VWA3A: variants seen among roughly 807,000 people sequenced by gnomAD.
VWA3A encodes the protein von Willebrand factor A domain-containing protein 3A.
VWA3A carries 134 observed loss-of-function variants against 160.4 expected under a neutral mutation model. The observed-to-expected ratio is 0.84, with a 90% CI of 0.73 to 0.96. The LOEUF is 0.96. VWA3A is among the 40% of genes least tolerant of loss of function. The pLI, the probability that VWA3A is intolerant of heterozygous loss-of-function variation, is 0.00. For missense variants in VWA3A, 1,310 were observed against 1,447.9 expected (o/e 0.90, Z 1.55); for synonymous variants, 476 against 543.4 (o/e 0.88, Z 1.72).
intron 26 of VWA3A, 74 bp from the exon 27 acceptor site, chr16:22,146,162 A>C: frequency 8.1e-7 from 1 of 1,240,558 alleles, no homozygotes; most frequent in Non-Finnish European, 1.2e-6. Context: ...TGGAATAAAC[A>C]ATTTTAGGGG....
In VWA3A at chr16:22,113,147, G is replaced by A. The variant is rs554789673; in HGVS notation, c.689+2153G>A. 6.6e-5 allele frequency among the ~76,000 whole-genome samples: 10 copies of A among 152,108 alleles called. No homozygotes were observed. The East Asian group carries it at 1.9e-3, about 29-fold the overall frequency. ...ACCCTATGTCATATCTTTACCATGT[G>A]TACTATTGTTTATTTTATTTTTTAT... is the stretch of plus-strand genomic sequence containing the variant. On this transcript the variant is annotated intron_variant, in intron 8 of 33. Coordinates refer to ENST00000389398, the MANE Select transcript of VWA3A (RefSeq NM_173615.5).
intron 14 of VWA3A, among the ~76,000 whole-genome samples, chr16:22,122,833 A>G (rs1030308957): frequency 3.9e-5 from 6 of 152,144 alleles, no homozygotes; most frequent in Admixed American, 3.9e-4. Context: ...GCTTGCTGTC[A>G]GGTATCGTCC....
chr16:22,140,506 T>A (rs1361247456), intron 23 of VWA3A, among the ~76,000 whole-genome samples: 1 of 151,948 alleles, frequency 6.6e-6, no homozygotes, highest in African/African-American at 2.4e-5. Flanking sequence ...ACTCAGAGGC[T>A]GAGTTGGGAG....
At chr16:22,155,992 A>G (rs1373669404) in intron 33 of VWA3A, 40 bp from the exon 34 acceptor site, 1 of 1,483,910 alleles carries the variant, frequency 6.7e-7, no homozygotes, top group Non-Finnish European at 9.3e-7. Context: ...TTTGTGGTCA[A>G]TAATAACTTT....
chr16:22,155,944 A>C (rs752565167), intron 33 of VWA3A, 28 bp downstream of exon 33: 1 of 1,609,392 alleles, frequency 6.2e-7, no homozygotes, highest in South Asian at 1.1e-5. Flanking sequence ...ACCCCATACT[A>C]CCTGAGTGTG....
chr16:22,149,482 C>A (rs142582635), intron 28 of VWA3A, among the ~76,000 whole-genome samples: 1 of 152,276 alleles, frequency 6.6e-6, no homozygotes, highest in African/African-American at 2.4e-5. Context: ...TGGCCTCAAG[C>A]AATCCTCCCA....
At chr16:22,124,117 G>A (rs35799813) in intron 16 of VWA3A, among the ~76,000 whole-genome samples, 12,934 of 148,264 alleles carry the variant, frequency 0.087, 663 homozygotes, top group South Asian at 0.17. Flanking sequence ...GGGGCTCAAG[G>A]CTGCAGTGGG....
chr16:22,113,483 C>A (rs966120180), intron 8 of VWA3A, among the ~76,000 whole-genome samples: 2 of 149,306 alleles, frequency 1.3e-5, no homozygotes, highest in African/African-American at 5.0e-5. Context: ...CCTTGGCCTC[C>A]CAAAGTGCTG....
chr16:22,109,327 G>C (rs768146774), intron 6 of VWA3A, among the ~76,000 whole-genome samples, 155 bp from the exon 7 acceptor site: 2 of 152,172 alleles, frequency 1.3e-5, no homozygotes, highest in Non-Finnish European at 2.9e-5. Context: ...TCATGACATT[G>C]GGTTTTGCTT....
At chr16:22,146,963 C>A (rs760212022) in intron 27 of VWA3A, among the ~76,000 whole-genome samples, 1 of 152,132 alleles carries the variant, frequency 6.6e-6, no homozygotes, top group Admixed American at 6.5e-5. Flanking sequence ...ATATTGACTG[C>A]GCCCCAGCAA....
At position 22,152,648 on chromosome 16, in the gene VWA3A, C is replaced by T. The variant is rs1186726441; in HGVS notation, c.3405+14C>T. 4 of 1,595,080 alleles carry T rather than the reference C, an allele frequency of 2.5e-6. No homozygotes were observed. Among genetic ancestry groups the T allele is most frequent in the Middle Eastern group, 3.3e-4 (2 of 6,028 alleles). On this transcript the variant is annotated intron_variant, in intron 31 of 33. Coordinates refer to ENST00000389398, the MANE Select transcript of VWA3A (RefSeq NM_173615.5). ...ATCAATGAAAAGGTAGGTTGCAGAG[C>T]CACTGAGCATGAGGTCTGTTGAAAC... is the stretch of plus-strand genomic sequence containing the variant.
At chr16:22,117,429 C>T (rs2045667147) in intron 11 of VWA3A, among the ~76,000 whole-genome samples, 1 of 152,142 alleles carries the variant, frequency 6.6e-6, no homozygotes, top group African/African-American at 2.4e-5. Context: ...GCGTGGGAGC[C>T]CAGAGGCCTT....
intron 17 of VWA3A, among the ~76,000 whole-genome samples, chr16:22,128,889 T>C (rs1185196677): frequency 6.6e-6 from 1 of 151,868 alleles, no homozygotes; most frequent in East Asian, 1.9e-4. Context: ...TGAGAACACA[T>C]GGACACATAA....
At chr16:22,099,288 A>G (rs1263007467) in intron 3 of VWA3A, among the ~76,000 whole-genome samples, 1 of 152,194 alleles carries the variant, frequency 6.6e-6, no homozygotes, top group Non-Finnish European at 1.5e-5. Context: ...CATAATGAGA[A>G]AGTAATCTTG....
intron 28 of VWA3A, 98 bp from the exon 29 acceptor site, chr16:22,149,689 T>A (rs1392991047): frequency 7.2e-7 from 1 of 1,393,382 alleles, no homozygotes; most frequent in African/African-American, 1.5e-5. Context: ...ATAGTCCTCA[T>A]GAGGGTAACT....
In VWA3A at chr16:22,100,326, T is replaced by A; in HGVS notation, c.350+8T>A. 1 of 1,551,614 alleles carries A rather than the reference T, an allele frequency of 6.4e-7. No individual in the cohort carries two copies. The highest frequency in any genetic ancestry group is 8.7e-7 in the Non-Finnish European group (1 of 1,146,988). ...CCAGGGCACAGAAGTGCTGTAAGTC[T>A]GAAGCTGTTCCCCGCACCCCCCACA... On this transcript the variant is annotated splice_region_variant and intron_variant, in intron 4 of 33. Transcript: ENST00000389398.
chr16:22,132,963 C>A lies in VWA3A; in HGVS notation c.1936C>A (p.Leu646Ile), dbSNP rs189037151. 3,855 of 1,613,968 alleles carry A rather than the reference C, an allele frequency of 2.4e-3. 11 individuals carry two copies. Among genetic ancestry groups the A allele is most frequent in the Admixed American group, 5.2e-3 (313 of 60,012 alleles). ...CTGCGACCTCCAGCTGAACGTGTGTCTCTTCTACGTGGGCGAGCCAAAGAT... is the reference window on the plus strand; with the variant it reads ...CTGCGACCTCCAGCTGAACGTGTGTATCTTCTACGTGGGCGAGCCAAAGAT... ...GGCDLQLNVC[L>I]FYVGEPKMDT... The change falls in exon 20 of 34, where the codon CTC (leucine) becomes ATC (isoleucine). Residue 646 changes from leucine to isoleucine, a missense_variant. Coordinates refer to ENST00000389398, the MANE Select transcript of VWA3A (RefSeq NM_173615.5).
At chr16:22,123,294 A>C (rs1161543094) in intron 15 of VWA3A, 129 bp downstream of exon 15, 1 of 1,107,334 alleles carries the variant, frequency 9.0e-7, no homozygotes, top group Non-Finnish European at 1.3e-6. Flanking sequence ...TGTGTGCTCC[A>C]CCTACAGGCC....
At chr16:22,146,792 G>A (rs561948131) in intron 27 of VWA3A, among the ~76,000 whole-genome samples, 9 of 152,082 alleles carry the variant, frequency 5.9e-5, no homozygotes, top group Non-Finnish European at 1.2e-4. Context: ...ATGACAGTGG[G>A]TTCAGAGGAC....
Sources: gnomAD v4.1 joint callset for allele counts (sites outside exome capture counted in the v4.1 genomes callset) on GRCh38, gnomAD v4.1.1 for gene constraint, MANE v1.5 for transcripts, NCBI Gene and HGNC (gene_info 2026-07-23, HGNC 2026-07-21) for gene names.